CAND1: variants seen among roughly 807,000 people sequenced by gnomAD.
The protein encoded by CAND1 is cullin associated and neddylation dissociated 1.
Under a neutral mutation model 108.5 loss-of-function variants are expected in CAND1, and 7 were observed. The ratio of observed to expected loss-of-function variants is 0.06; its 90% confidence interval spans 0.04 to 0.12. CAND1 has a LOEUF of 0.12. CAND1 is among the 10% of genes least tolerant of loss of function. The pLI, the probability that CAND1 is intolerant of heterozygous loss-of-function variation, is 1.00. For missense variants in CAND1, 941 were observed against 1,448.7 expected, an observed-to-expected ratio of 0.65 and a Z score of 5.69; for synonymous variants, 534 against 512.0, an observed-to-expected ratio of 1.04 and a Z score of -0.58.
intron 1 of CAND1, among the ~76,000 whole-genome samples, chr12:67,279,102 G>A (rs1036387327): frequency 1.3e-5 from 2 of 151,302 alleles, no homozygotes; most frequent in African/African-American, 4.9e-5. Context: ...CTTCCTATTA[G>A]GTTTCTGTGC....
intron 3 of CAND1, 60 bp downstream of exon 3, chr12:67,292,836 CT>C: frequency 7.8e-6 from 12 of 1,534,584 alleles, no homozygotes; most frequent in Admixed American, 5.3e-5. Flanking sequence ...TCTCCCCACC[CT>C]TTTTTCCCCT....
intron 3 of CAND1, chr12:67,292,980 TTGTA>T (rs1410765196): frequency 6.0e-6 from 3 of 502,338 alleles, no homozygotes; most frequent in Non-Finnish European, 1.1e-5. Flanking sequence ...TTGATTGAAC[TTGTA>T]TGTAATATGA....
chr12:67,291,108 A>G (rs1241778894), intron 2 of CAND1, among the ~76,000 whole-genome samples: 3 of 152,174 alleles, frequency 2.0e-5, no homozygotes, highest in African/African-American at 7.2e-5. Flanking sequence ...AGATTCATGT[A>G]CCAAACTTAC....
chr12:67,313,885 T>G lies in CAND1; in HGVS notation c.*1055T>G. 6.5e-6 allele frequency: 1 copy of G among 152,722 alleles called. No homozygotes were observed. The allele number at this position is 152,722 out of a possible 1,614,324, so 9.5% of individuals were successfully genotyped here. ...ACAGGTTTGTTAGCTAATAATAGTA[T>G]TTTCTTTTAGTTGAGTTAGGTTTTT... On this transcript the variant is annotated 3_prime_UTR_variant, in exon 15 of 15. Coordinates refer to ENST00000545606, the MANE Select transcript of CAND1 (RefSeq NM_018448.5).
At chr12:67,289,125 TAA>T (rs1221144362) in intron 2 of CAND1, among the ~76,000 whole-genome samples, 1 of 152,178 alleles carries the variant, frequency 6.6e-6, no homozygotes, top group East Asian at 1.9e-4. Context: ...AGCAGGTAGT[TAA>T]GTCTTGTTTT....
chr12:67,302,649 T>G, intron 8 of CAND1, 34 bp downstream of exon 8: 1 of 1,561,108 alleles, frequency 6.4e-7, no homozygotes, highest in Non-Finnish European at 8.7e-7. Context: ...AAAATCATGA[T>G]AGTAAATGCA....
At chr12:67,279,599 T>A (rs56728872) in intron 1 of CAND1, among the ~76,000 whole-genome samples, 4,200 of 152,316 alleles carry the variant, frequency 0.028, 93 homozygotes, top group East Asian at 0.09. Context: ...TTTTAAAATA[T>A]TTAACCATTA....
intron 1 of CAND1, among the ~76,000 whole-genome samples, chr12:67,281,378 G>C (rs1392810036): frequency 2.0e-5 from 3 of 151,974 alleles, no homozygotes; most frequent in Admixed American, 2.0e-4. Flanking sequence ...CTAGTGATGG[G>C]TATTTTGGAA....
At position 67,310,007 on chromosome 12, in the gene CAND1, A is replaced by T. The variant is rs780390167; in HGVS notation, c.3132A>T (p.Leu1044=). The T allele has an allele frequency of 6.2e-7, 1 of 1,612,310 alleles. No homozygotes were observed. The highest frequency in any genetic ancestry group is 8.5e-7 in the Non-Finnish European group (1 of 1,178,596). ...ACAAGCCATCATTAATAAGGGATCT[A>T]TTGGATACTGTTCTTCCACATCTTT... ...AHNKPSLIRD[L]LDTVLPHLYN... The change falls in exon 12 of 15, where the codon CTA becomes CTT. Residue 1044 remains leucine (L), a synonymous_variant. Transcript: ENST00000545606.
intron 13 of CAND1, chr12:67,310,767 T>C (rs553574446): frequency 6.5e-6 from 1 of 152,926 alleles, no homozygotes; most frequent in South Asian, 2.1e-4. Flanking sequence ...ATCATTTACC[T>C]GAATGAGGAA....
Position 67,313,939 on chromosome 12 carries a change from A to G in CAND1, c.*1109A>G, listed in dbSNP as rs1283376927. ...CATCTCCTGTAGAGCGAATTTACAT[A>G]TTGTATTGGGTAAGTGTTCACTACT... On this transcript the variant is annotated 3_prime_UTR_variant, in exon 15 of 15. Coordinates refer to ENST00000545606, the MANE Select transcript of CAND1 (RefSeq NM_018448.5). The G allele has an allele frequency of 6.6e-6, 1 of 152,508 alleles. No homozygotes were observed. The highest frequency in any genetic ancestry group is 2.4e-5 in the African/African-American group (1 of 41,420). 9.4% of individuals were successfully genotyped at this position (152,508 alleles called of 1,614,324 possible). A position where few individuals can be genotyped will look rare whatever the true frequency, so the allele number is the denominator to read the frequency against.
rs1194459522 is a variant in CAND1 at position 67,315,131 on chromosome 12, GTTAGT to G, written c.*2306_*2310del. 1 of 152,232 alleles carries G rather than the reference GTTAGT, an allele frequency of 6.6e-6. No individual in the cohort carries two copies. The highest frequency in any genetic ancestry group is 1.5e-5 in the Non-Finnish European group (1 of 68,050). 9.4% of individuals were successfully genotyped at this position (152,232 alleles called of 1,614,324 possible). A position where few individuals can be genotyped will look rare whatever the true frequency, so the allele number is the denominator to read the frequency against. On this transcript the variant is annotated 3_prime_UTR_variant, in exon 15 of 15. Transcript: ENST00000545606. Reference sequence around the variant, plus strand: ...TACTGATTTTCATGAGAACATTTAAGTTAGTTTAGGTCTACCTGATTTATTTTAAA... The same window carrying G: ...TACTGATTTTCATGAGAACATTTAAGTTAGGTCTACCTGATTTATTTTAAA...
intron 2 of CAND1, among the ~76,000 whole-genome samples, chr12:67,289,989 T>C (rs912377101): frequency 6.6e-6 from 1 of 152,204 alleles, no homozygotes; most frequent in African/African-American, 2.4e-5. Context: ...AAAAAATGCA[T>C]TGGCTGCCAG....
At chr12:67,307,528 G>T in intron 11 of CAND1, 36 bp downstream of exon 11, 1 of 1,380,850 alleles carries the variant, frequency 7.2e-7, no homozygotes, top group Non-Finnish European at 1.0e-6. Flanking sequence ...CTGATTTTTG[G>T]ACTTTAGAAT....
intron 11 of CAND1, 133 bp downstream of exon 11, chr12:67,307,625 A>C (rs2044901857): frequency 1.6e-6 from 1 of 625,064 alleles, no homozygotes; most frequent in Non-Finnish European, 2.8e-6. Context: ...AATTGATATG[A>C]TCTTACAACT....
In CAND1 at chr12:67,306,098, C is replaced by T; in HGVS notation, c.2430C>T (p.Cys810=). 1 of 1,614,122 alleles carries T rather than the reference C, an allele frequency of 6.2e-7. No individual in the cohort carries two copies. ...GTGTAGCTGCCCTTACTCGAGCATG[C>T]CCTAAAGAGGGACCAGCTGTAGTAG... ...AKCVAALTRA[C]PKEGPAVVGQ... The change falls in exon 10 of 15, where the codon TGC becomes TGT. Residue 810 remains cysteine (C), a synonymous_variant. Transcript: ENST00000545606.
At chr12:67,311,541 CA>C (rs1245518310) in intron 13 of CAND1, 151 bp from the exon 14 acceptor site, 1 of 596,050 alleles carries the variant, frequency 1.7e-6, no homozygotes, top group East Asian at 2.9e-5. Flanking sequence ...CTGTTTGAGA[CA>C]AATCTGTCTG....
chr12:67,299,183 T>C, intron 7 of CAND1, 88 bp downstream of exon 7: 1 of 1,261,336 alleles, frequency 7.9e-7, no homozygotes. Flanking sequence ...TACTGTTTGT[T>C]TTATTTAGTT....
At chr12:67,270,769 T>A (rs1592598860) in intron 1 of CAND1, 1 of 137,880 alleles carries the variant, frequency 7.3e-6, no homozygotes, top group Admixed American at 7.2e-5. Context: ...GTTCTCAATC[T>A]AAAAAAAAAA....
Sources: allele counts gnomAD v4.1 joint callset (sites outside exome capture counted in the v4.1 genomes callset), GRCh38; gene constraint gnomAD v4.1.1; transcripts MANE v1.5; gene names NCBI Gene and HGNC (gene_info 2026-07-23, HGNC 2026-07-21).